PAH: variants seen among roughly 807,000 people sequenced by gnomAD.
PAH encodes the protein phenylalanine hydroxylase.
In PAH, 64 loss-of-function variants were observed where a neutral mutation model predicts 62.0. The observed-to-expected ratio is 1.03, with a 90% CI of 0.84 to 1.27. The LOEUF is 1.27. Among genes scored for constraint, PAH ranks in the 50% most tolerant of loss-of-function variants. The pLI is 0.00. For missense variants in PAH, 579 were observed against 542.8 expected, an observed-to-expected ratio of 1.07 and a Z score of -0.66; for synonymous variants, 195 against 196.2, an observed-to-expected ratio of 0.99 and a Z score of 0.05.
intron 1 of PAH, among the ~76,000 whole-genome samples, chr12:102,939,917 A>G (rs1327838899): frequency 2.0e-5 from 3 of 152,106 alleles, no homozygotes; most frequent in Non-Finnish European, 2.9e-5. Flanking sequence ...CCAGCACTTG[A>G]CTGGGAGAGG....
chr12:102,926,649 A>G (rs1208419302), intron 1 of PAH, among the ~76,000 whole-genome samples: 1 of 152,068 alleles, frequency 6.6e-6, no homozygotes, highest in Non-Finnish European at 1.5e-5. Context: ...CTTATCAATA[A>G]TTTTGTGAGC....
intron 3 of PAH, among the ~76,000 whole-genome samples, chr12:102,880,999 A>G (rs950979854): frequency 2.7e-5 from 4 of 149,874 alleles, no homozygotes; most frequent in African/African-American, 9.7e-5. Flanking sequence ...TATTGCATAT[A>G]TTTTATTATT....
At chr12:102,851,081 C>A (rs1875124640) in intron 8 of PAH, among the ~76,000 whole-genome samples, 1 of 120,330 alleles carries the variant, frequency 8.3e-6, no homozygotes. Flanking sequence ...AGAGTGAGAC[C>A]TTGCCTTAAA....
At chr12:102,889,445 A>G in intron 3 of PAH, among the ~76,000 whole-genome samples, 1 of 140,408 alleles carries the variant, frequency 7.1e-6, no homozygotes. Context: ...ATAGATAGAT[A>G]GATAGATGAT....
upstream of PAH, among the ~76,000 whole-genome samples, chr12:102,955,803 C>A (rs1593010560): frequency 1.3e-5 from 2 of 152,200 alleles, no homozygotes; most frequent in Admixed American, 1.3e-4. Context: ...GTGAATCCCA[C>A]GGGGTTCAGC....
intron 1 of PAH, among the ~76,000 whole-genome samples, chr12:102,929,358 C>T (rs901210937): frequency 1.3e-5 from 2 of 152,190 alleles, no homozygotes; most frequent in Non-Finnish European, 2.9e-5. Flanking sequence ...TTTTTGCAAT[C>T]TCAGAGAGCA....
At position 102,871,939 on chromosome 12, in the gene PAH, AAAAAAAAAAAATATATATAT is replaced by A. The variant is rs1383605145; in HGVS notation, c.442-5296_442-5277del. 4.0e-3 allele frequency among the ~76,000 whole-genome samples: 63 copies of A among 15,908 alleles called. No individual in the cohort carries two copies. In the South Asian group the frequency reaches 0.059, roughly 15 times the overall value. 10.4% of individuals were successfully genotyped at this position (15,908 alleles called of 152,430 possible). On this transcript the variant is annotated intron_variant, in intron 4 of 12. Transcript: ENST00000553106. ...CTCTGCCTCAAAAAAAAAAAAAAAA[AAAAAAAAAAAATATATATAT>A]ATATATATATATATATATATATATA...
chr12:102,855,418 C>T, intron 5 of PAH, 86 bp from the exon 6 acceptor site: 1 of 1,025,638 alleles, frequency 9.8e-7, no homozygotes, highest in Non-Finnish European at 1.5e-6. Context: ...AGTCGGGGAC[C>T]AGAACCTGTG....
At chr12:102,885,827 G>A (rs1877018682) in intron 3 of PAH, among the ~76,000 whole-genome samples, 1 of 152,160 alleles carries the variant, frequency 6.6e-6, no homozygotes, top group Non-Finnish European at 1.5e-5. Flanking sequence ...AGCCAGCAAG[G>A]CACCCAGGCT....
At chr12:102,917,452 C>A, upstream of PAH, 1 of 400,686 alleles carries the variant, frequency 2.5e-6, no homozygotes. Flanking sequence ...AGCCAGGGAG[C>A]GACGGGCCAC....
chr12:102,934,509 G>A (rs73393589), intron 1 of PAH, among the ~76,000 whole-genome samples: 4,795 of 151,808 alleles, frequency 0.032, 264 homozygotes, highest in African/African-American at 0.11. Flanking sequence ...ATGTTGCTTT[G>A]GGTAGTATGT....
In PAH at chr12:102,838,874, C is replaced by G; in HGVS notation, c.*301G>C. ...ATATGAAGCTTGAATGAAGCAGGTCCCAAATTTTAATTAATCTTGATGAAA... is the reference window on the plus strand; with the variant it reads ...ATATGAAGCTTGAATGAAGCAGGTCGCAAATTTTAATTAATCTTGATGAAA... On this transcript the variant is annotated 3_prime_UTR_variant, in exon 13 of 13. Coordinates refer to ENST00000553106, the MANE Select transcript of PAH (RefSeq NM_000277.3). 2.3e-6 allele frequency: 1 copy of G among 434,546 alleles called. No individual in the cohort carries two copies. Among genetic ancestry groups the G allele is most frequent in the Non-Finnish European group, 4.2e-6 (1 of 238,860 alleles). 26.9% of individuals were successfully genotyped at this position (434,546 alleles called of 1,614,324 possible). A position where few individuals can be genotyped will look rare whatever the true frequency, so the allele number is the denominator to read the frequency against.
chr12:102,865,904 T>C (rs1487224249), intron 5 of PAH, among the ~76,000 whole-genome samples: 1 of 152,226 alleles, frequency 6.6e-6, no homozygotes, highest in Non-Finnish European at 1.5e-5. Flanking sequence ...TGTGCATGTC[T>C]TTTCTTAATC....
At chr12:102,859,412 C>G (rs932184476) in intron 5 of PAH, among the ~76,000 whole-genome samples, 4 of 152,194 alleles carry the variant, frequency 2.6e-5, no homozygotes, top group Non-Finnish European at 4.4e-5. Flanking sequence ...GGAGCTGGTA[C>G]CATTCCTTCT....
Position 102,869,825 on chromosome 12 carries a change from G to A in PAH, c.442-3162C>T, listed in dbSNP as rs376431678. 3.2e-4 allele frequency among the ~76,000 whole-genome samples: 48 copies of A among 152,328 alleles called. 1 individual carries two copies. The highest frequency in any genetic ancestry group is 3.4e-3 in the Middle Eastern group (1 of 294). On this transcript the variant is annotated intron_variant, in intron 4 of 12. Coordinates refer to ENST00000553106, the MANE Select transcript of PAH (RefSeq NM_000277.3). The stretch of plus-strand genomic sequence containing the variant: ...AGACGACCACAGGGCCTCTGTAGCC[G>A]TCCATGTGGAGTACATTCTGAATCA...
chr12:102,908,157 A>G (rs918043340), intron 2 of PAH, among the ~76,000 whole-genome samples: 8 of 151,994 alleles, frequency 5.3e-5, no homozygotes, highest in African/African-American at 1.9e-4. Flanking sequence ...ATAATGCTTC[A>G]GAGAGTTCAC....
intron 1 of PAH, among the ~76,000 whole-genome samples, chr12:102,947,229 G>T (rs965560703): frequency 6.6e-6 from 1 of 151,988 alleles, no homozygotes; most frequent in Non-Finnish European, 1.5e-5. Flanking sequence ...GTTAAGACTT[G>T]GTGGTTGTGG....
chr12:102,840,094 C>T (rs772954725), intron 12 of PAH, among the ~76,000 whole-genome samples: 35 of 151,780 alleles, frequency 2.3e-4, no homozygotes, highest in Non-Finnish European at 4.1e-4. Flanking sequence ...GGACACTTAG[C>T]GTAGAAGGGA....
intron 1 of PAH, among the ~76,000 whole-genome samples, chr12:102,947,318 C>T (rs1879539542): frequency 6.6e-6 from 1 of 151,900 alleles, no homozygotes. Context: ...GGTGCTAAAC[C>T]CTGAAATATA....
Sources: gnomAD v4.1 joint callset for allele counts (sites outside exome capture counted in the v4.1 genomes callset) on GRCh38, gnomAD v4.1.1 for gene constraint, MANE v1.5 for transcripts, NCBI Gene and HGNC (gene_info 2026-07-23, HGNC 2026-07-21) for gene names.